INPP4B: variants seen among roughly 807,000 people sequenced by gnomAD.
INPP4B encodes the protein inositol polyphosphate 4-phosphatase type II.
A neutral mutation model predicts 122.5 loss-of-function variants in INPP4B; 55 were observed. The ratio of observed to expected loss-of-function variants is 0.45; its 90% CI spans 0.36 to 0.56. INPP4B has a LOEUF of 0.56. Among genes scored for constraint, INPP4B ranks in the 20% least tolerant of loss-of-function variants. INPP4B has a pLI of 0.00. For missense variants in INPP4B, 1,000 were observed against 1,097.7 expected, an observed-to-expected ratio of 0.91 and a Z score of 1.26; for synonymous variants, 403 against 388.7, an observed-to-expected ratio of 1.04 and a Z score of -0.43.
chr4:142,521,525 C>T (rs1826065427), intron 2 of INPP4B, among the ~76,000 whole-genome samples: 1 of 151,964 alleles, frequency 6.6e-6, no homozygotes, highest in South Asian at 2.1e-4. Context: ...CCACATTAAT[C>T]TAACAGGCAT....
chr4:142,800,776 C>G (rs763323560), intron 1 of INPP4B, among the ~76,000 whole-genome samples: 2 of 152,088 alleles, frequency 1.3e-5, no homozygotes, highest in African/African-American at 4.8e-5. Context: ...TTTAGTATTT[C>G]CTCCTTAGTA....
intron 2 of INPP4B, among the ~76,000 whole-genome samples, chr4:142,649,217 T>C (rs1752429565): frequency 6.6e-6 from 1 of 152,102 alleles, no homozygotes; most frequent in Non-Finnish European, 1.5e-5. Context: ...CACCTGTAGG[T>C]CACCAACATC....
intron 5 of INPP4B, among the ~76,000 whole-genome samples, chr4:142,422,844 C>A (rs979559830): frequency 6.6e-6 from 1 of 151,668 alleles, no homozygotes; most frequent in Non-Finnish European, 1.5e-5. Context: ...AAACAAAAAA[C>A]AGAATCAAGA....
intron 9 of INPP4B, among the ~76,000 whole-genome samples, chr4:142,292,619 G>A (rs951007340): frequency 3.9e-5 from 6 of 152,152 alleles, no homozygotes; most frequent in Non-Finnish European, 8.8e-5. Context: ...AAATATAAGG[G>A]AAGATTAAAA....
At chr4:142,489,913 T>A (rs974802305) in intron 2 of INPP4B, among the ~76,000 whole-genome samples, 26 of 152,210 alleles carry the variant, frequency 1.7e-4, no homozygotes, top group African/African-American at 6.0e-4. Flanking sequence ...TCACTTTGTC[T>A]GATAGTAAAA....
In INPP4B at chr4:142,155,093, T is replaced by G. The variant is rs536024618; in HGVS notation, c.1563+5265A>C. Among the ~76,000 whole-genome samples the G allele has an allele frequency of 1.3e-4, 20 of 152,034 alleles. 1 individual carries two copies. In the South Asian group the frequency reaches 4.1e-3, roughly 31 times the overall value. ...TACAAAATTTGGAAGTAAATGGCCA[T>G]ATTTTAGTAGACATAATACTCATTT... On this transcript the variant is annotated intron_variant, in intron 17 of 25. Coordinates refer to ENST00000262992, the MANE Select transcript of INPP4B (RefSeq NM_001101669.3).
At chr4:142,660,507 A>C (rs1338030403) in intron 2 of INPP4B, among the ~76,000 whole-genome samples, 1 of 151,958 alleles carries the variant, frequency 6.6e-6, no homozygotes, top group African/African-American at 2.4e-5. Flanking sequence ...TCTCTGTACT[A>C]TGGGACACTC....
intron 7 of INPP4B, among the ~76,000 whole-genome samples, chr4:142,380,051 A>T (rs542356261): frequency 6.6e-6 from 1 of 152,208 alleles, no homozygotes; most frequent in Non-Finnish European, 1.5e-5. Context: ...AATAAACTCT[A>T]AGTTCAGGGT....
In INPP4B at chr4:142,408,232, A is replaced by G. The variant is rs1803847985; in HGVS notation, c.137-2908T>C. ...GTATGAGAATTATTTAGCAGCCAATAAAGAATCCTGAAAAATCTGTTTTCA... is the reference window on the plus strand; with the variant it reads ...GTATGAGAATTATTTAGCAGCCAATGAAGAATCCTGAAAAATCTGTTTTCA... On this transcript the variant is annotated intron_variant, in intron 5 of 25. Coordinates refer to ENST00000262992, the MANE Select transcript of INPP4B (RefSeq NM_001101669.3). Among the ~76,000 whole-genome samples the G allele has an allele frequency of 2.0e-5, 3 of 150,866 alleles. No individual in the cohort carries two copies. The East Asian group carries it at 5.9e-4, about 30-fold the overall frequency.
In INPP4B at chr4:142,320,553, G is replaced by C. The variant is rs573586939; in HGVS notation, c.373-5791C>G. On this transcript the variant is annotated intron_variant, in intron 7 of 25. Transcript: ENST00000262992. ...AGAACATGTGGTGTTTGGTTACATGGATAATTTCTTTGGTGGTGATTTCCG... is the reference window on the plus strand; with the variant it reads ...AGAACATGTGGTGTTTGGTTACATGCATAATTTCTTTGGTGGTGATTTCCG... Among the ~76,000 whole-genome samples the C allele has an allele frequency of 4.6e-5, 7 of 152,234 alleles. No individual in the cohort carries two copies. In the South Asian group the frequency reaches 1.0e-3, roughly 23 times the overall value.
At chr4:142,640,938 G>A (rs376840343) in intron 2 of INPP4B, among the ~76,000 whole-genome samples, 1 of 152,158 alleles carries the variant, frequency 6.6e-6, no homozygotes, top group African/African-American at 2.4e-5. Context: ...TTTGGATGAA[G>A]ATGTGAAGTA....
chr4:142,193,443 C>A (rs140961757), intron 14 of INPP4B, among the ~76,000 whole-genome samples: 126 of 152,212 alleles, frequency 8.3e-4, no homozygotes, highest in African/African-American at 2.8e-3. Context: ...TTACATGCTA[C>A]AGTGTAGAAC....
At chr4:142,481,904 G>A (rs1580176170) in intron 2 of INPP4B, among the ~76,000 whole-genome samples, 1 of 152,150 alleles carries the variant, frequency 6.6e-6, no homozygotes, top group African/African-American at 2.4e-5. Context: ...AGTTTACATA[G>A]CCATAAGTGG....
intron 5 of INPP4B, among the ~76,000 whole-genome samples, chr4:142,417,628 G>GA (rs1646177842): frequency 6.6e-6 from 1 of 152,120 alleles, no homozygotes. Context: ...TTCAGGGACA[G>GA]AAAGGGATTA....
intron 12 of INPP4B, among the ~76,000 whole-genome samples, chr4:142,221,196 G>A (rs1042163896): frequency 4.0e-5 from 6 of 151,788 alleles, no homozygotes; most frequent in African/African-American, 7.3e-5. Context: ...TCAGGAGATC[G>A]AGACCATGCT....
At chr4:142,828,722 G>A (rs1183102769) in intron 1 of INPP4B, among the ~76,000 whole-genome samples, 6 of 152,120 alleles carry the variant, frequency 3.9e-5, no homozygotes, top group Non-Finnish European at 7.4e-5. Context: ...ATTGAACCTC[G>A]AGACTTAGAT....
intron 2 of INPP4B, among the ~76,000 whole-genome samples, chr4:142,541,767 C>T (rs1188759913): frequency 6.6e-6 from 1 of 152,146 alleles, no homozygotes; most frequent in Admixed American, 6.5e-5. Context: ...CTATATCATG[C>T]TTGGCTTCCC....
intron 9 of INPP4B, among the ~76,000 whole-genome samples, chr4:142,305,052 T>G (rs1762827796): frequency 6.6e-6 from 1 of 152,146 alleles, no homozygotes; most frequent in Non-Finnish European, 1.5e-5. Context: ...ATAATCAGCT[T>G]ACTCTCTATT....
chr4:142,307,698 G>A lies in INPP4B; in HGVS notation c.424-2161C>T, dbSNP rs181693580. Among the ~76,000 whole-genome samples, 9 of 152,220 alleles carry A rather than the reference G, an allele frequency of 5.9e-5. 1 individual carries two copies. The highest frequency in any genetic ancestry group is 3.9e-4 in the East Asian group (2 of 5,184). On this transcript the variant is annotated intron_variant, in intron 8 of 25. Coordinates refer to ENST00000262992, the MANE Select transcript of INPP4B (RefSeq NM_001101669.3). ...GCATTTTGTATTTTAAAGAGATGTC[G>A]ATCTTACTTTCTCCTTCACTGATAA...
Sources: gnomAD v4.1 joint callset for allele counts (sites outside exome capture counted in the v4.1 genomes callset) on GRCh38, gnomAD v4.1.1 for gene constraint, MANE v1.5 for transcripts, NCBI Gene and HGNC (gene_info 2026-07-23, HGNC 2026-07-21) for gene names.